The following SMARCAD1 variants were observed in gnomAD, a reference collection of about 807,000 sequenced individuals.
The protein encoded by SMARCAD1 is SNF2 related chromatin remodeling ATPase with DExD box 1, also known as SWI/SNF-related matrix-associated actin-dependent regulator of chromatin subfamily A containing DEAD/H box 1.
SMARCAD1 carries 25 observed loss-of-function variants against 127.1 expected under a neutral mutation model. The observed-to-expected ratio is 0.20, with a 90% CI of 0.14 to 0.27. SMARCAD1 has a LOEUF of 0.27. SMARCAD1 is among the 10% of genes least tolerant of loss of function. The pLI, the probability that SMARCAD1 is intolerant of heterozygous loss-of-function variation, is 1.00. For synonymous variants in SMARCAD1, 400 were observed against 396.9 expected (o/e 1.01, Z -0.09); for missense variants, 807 against 1,206.0 (o/e 0.67, Z 4.90).
chr4:94,216,577 G>A (rs1743231353), intron 2 of SMARCAD1, among the ~76,000 whole-genome samples: 1 of 152,040 alleles, frequency 6.6e-6, no homozygotes, highest in East Asian at 1.9e-4. Context: ...TTTTCATCTT[G>A]TGAAACTGAA....
Position 94,207,911 on chromosome 4 carries a change from C to A in SMARCAD1, c.-209C>A. 3.0e-6 allele frequency: 1 copy of A among 337,776 alleles called. No homozygotes were observed. Among genetic ancestry groups the A allele is most frequent in the Non-Finnish European group, 5.8e-6 (1 of 172,102 alleles). The allele number at this position is 337,776 out of a possible 1,614,324, so 20.9% of individuals were successfully genotyped here. Reference sequence around the variant, plus strand: ...CCCGCCAGCACGGCCTCCGCCGCTCCCCTTCTTTGGCCCCTTTGTGTCCCC... The same window carrying A: ...CCCGCCAGCACGGCCTCCGCCGCTCACCTTCTTTGGCCCCTTTGTGTCCCC... On this transcript the variant is annotated 5_prime_UTR_variant, in exon 1 of 24. Coordinates refer to ENST00000354268, the MANE Select transcript of SMARCAD1 (RefSeq NM_020159.5).
chr4:94,236,303 G>T (rs1163571636), intron 4 of SMARCAD1, among the ~76,000 whole-genome samples: 1 of 152,030 alleles, frequency 6.6e-6, no homozygotes, highest in African/African-American at 2.4e-5. Flanking sequence ...GAAAAATAGG[G>T]GATTTTAGTT....
intron 2 of SMARCAD1, among the ~76,000 whole-genome samples, chr4:94,216,666 A>G (rs1014466899): frequency 6.6e-6 from 1 of 152,148 alleles, no homozygotes; most frequent in Admixed American, 6.5e-5. Context: ...TTGTCTTTTT[A>G]TGAATTTGAC....
At chr4:94,245,507 TTTTA>T (rs1274337215) in intron 6 of SMARCAD1, among the ~76,000 whole-genome samples, 3 of 152,148 alleles carry the variant, frequency 2.0e-5, no homozygotes, top group Non-Finnish European at 4.4e-5. Flanking sequence ...ACCACAGAAA[TTTTA>T]TTTATTCTTT....
chr4:94,241,109 CCTTT>C (rs1747511560), intron 6 of SMARCAD1, 103 bp downstream of exon 6: 2 of 772,498 alleles, frequency 2.6e-6, no homozygotes, highest in African/African-American at 3.5e-5. Context: ...TAAATGAATT[CCTTT>C]CTATCACAAC....
chr4:94,287,765 T>C (rs1275904700), intron 23 of SMARCAD1, among the ~76,000 whole-genome samples: 1 of 152,112 alleles, frequency 6.6e-6, no homozygotes, highest in African/African-American at 2.4e-5. Context: ...ATTAATACAT[T>C]TTTTACCTTT....
chr4:94,267,784 TTCAGAAGAC>T (rs1336066658), intron 10 of SMARCAD1, among the ~76,000 whole-genome samples: 1 of 152,164 alleles, frequency 6.6e-6, no homozygotes, highest in African/African-American at 2.4e-5. Flanking sequence ...ACTTAACTTA[TTCAGAAGAC>T]CTGAGCAAAT....
At chr4:94,242,569 C>T (rs946565229) in intron 6 of SMARCAD1, among the ~76,000 whole-genome samples, 1 of 151,996 alleles carries the variant, frequency 6.6e-6, no homozygotes, top group Non-Finnish European at 1.5e-5. Context: ...AGCAGTTGTT[C>T]ACTTGGCTGG....
intron 2 of SMARCAD1, among the ~76,000 whole-genome samples, chr4:94,219,635 T>C (rs1248431766): frequency 6.6e-6 from 1 of 152,216 alleles, no homozygotes; most frequent in Non-Finnish European, 1.5e-5. Context: ...GGAGTCTTCC[T>C]GCATATGCTA....
chr4:94,259,664 G>C (rs1750656632), intron 9 of SMARCAD1, among the ~76,000 whole-genome samples: 1 of 152,026 alleles, frequency 6.6e-6, no homozygotes, highest in African/African-American at 2.4e-5. Flanking sequence ...CCCCTTCATT[G>C]CCTCCCCCAT....
rs1350387731 is a variant in SMARCAD1 at position 94,278,660 on chromosome 4, T to C, written c.2223T>C (p.Cys741=). The C allele has an allele frequency of 6.2e-7, 1 of 1,614,100 alleles. No homozygotes were observed. Residue 741 remains cysteine (C), a synonymous_variant, in exon 18 of 24, where the codon TGT becomes TGC. Coordinates refer to ENST00000354268, the MANE Select transcript of SMARCAD1 (RefSeq NM_020159.5). ...LPPKKDRIEL[C]AMSEKQEQLY... ...CCAAGAAAGATCGAATTGAGTTGTG[T>C]GCAATGTCGGAGAAGCAGGAGCAAC... is the stretch of plus-strand genomic sequence containing the variant.
At chr4:94,226,776 A>G (rs1462870044) in intron 3 of SMARCAD1, among the ~76,000 whole-genome samples, 9 of 152,234 alleles carry the variant, frequency 5.9e-5, no homozygotes, top group South Asian at 2.1e-4. Flanking sequence ...AGTCAGGTAG[A>G]AAAGTAATAA....
chr4:94,208,645 G>A, intron 2 of SMARCAD1, 61 bp downstream of exon 2: 1 of 1,464,126 alleles, frequency 6.8e-7, no homozygotes. Flanking sequence ...ATGAAAGGCA[G>A]AAGGGATTCT....
rs761820406 is a variant in SMARCAD1, at chr4:94,290,711, C to CTA, written c.*1181_*1182dup. On this transcript the variant is annotated 3_prime_UTR_variant, in exon 24 of 24. Coordinates refer to ENST00000354268, the MANE Select transcript of SMARCAD1 (RefSeq NM_020159.5). ...TTTCTTTAAATTTCTGCCTGTCAGTCTATATTGCTGTTTTTATTATACATC... is the reference window on the plus strand; with the variant it reads ...TTTCTTTAAATTTCTGCCTGTCAGTCTATATATTGCTGTTTTTATTATACATC... 13 of 441,280 alleles carry CTA rather than the reference C, an allele frequency of 2.9e-5. No individual in the cohort carries two copies. Among genetic ancestry groups the CTA allele is most frequent in the Middle Eastern group, 1.4e-3 (2 of 1,382 alleles). 27.3% of individuals were successfully genotyped at this position (441,280 alleles called of 1,614,324 possible).
chr4:94,217,426 C>T (rs551783190), intron 2 of SMARCAD1, among the ~76,000 whole-genome samples: 1 of 151,992 alleles, frequency 6.6e-6, no homozygotes, highest in Admixed American at 6.6e-5. Flanking sequence ...ATGATGTATC[C>T]TAGATTTTGA....
At chr4:94,271,784 A>T (rs1193231605) in intron 11 of SMARCAD1, among the ~76,000 whole-genome samples, 2 of 152,212 alleles carry the variant, frequency 1.3e-5, no homozygotes, top group Non-Finnish European at 2.9e-5. Context: ...TTCAGGAGCT[A>T]TCTGATCCTT....
At chr4:94,269,774 T>C (rs1382235630) in intron 10 of SMARCAD1, among the ~76,000 whole-genome samples, 1 of 152,086 alleles carries the variant, frequency 6.6e-6, no homozygotes, top group Non-Finnish European at 1.5e-5. Flanking sequence ...GCTCAGGTGA[T>C]CCTTCCACCT....
chr4:94,270,576 G>A (rs1752413683), intron 10 of SMARCAD1, 152 bp from the exon 11 acceptor site: 11 of 619,738 alleles, frequency 1.8e-5, no homozygotes, highest in South Asian at 9.0e-5. Flanking sequence ...TTATGTCTTG[G>A]GTTCATTTTT....
rs2126025773 is a variant in SMARCAD1 at position 94,290,474 on chromosome 4, A to C, written c.*940A>C. 2.2e-6 allele frequency: 1 copy of C among 454,540 alleles called. No individual in the cohort carries two copies. The highest frequency in any genetic ancestry group is 2.0e-5 in the African/African-American group (1 of 50,134). The allele number at this position is 454,540 out of a possible 1,614,324, so 28.2% of individuals were successfully genotyped here. On this transcript the variant is annotated 3_prime_UTR_variant, in exon 24 of 24. Transcript: ENST00000354268. ...AGCTATTTCATTTCAAAGCAGACTGAATGTGACTTCATCTAAAGGCAGCAT... is the reference window on the plus strand; with the variant it reads ...AGCTATTTCATTTCAAAGCAGACTGCATGTGACTTCATCTAAAGGCAGCAT...
Sources: allele counts gnomAD v4.1 joint callset (sites outside exome capture counted in the v4.1 genomes callset), GRCh38; gene constraint gnomAD v4.1.1; transcripts MANE v1.5; gene names NCBI Gene and HGNC (gene_info 2026-07-23, HGNC 2026-07-21).